COG5: variants seen among roughly 807,000 people sequenced by gnomAD.
The protein encoded by COG5 is conserved oligomeric Golgi complex subunit 5.
In COG5, 86 loss-of-function variants were observed where a neutral mutation model predicts 110.4. That is an observed-to-expected ratio of 0.78 (90% confidence interval 0.65 to 0.93). The LOEUF is 0.93. Among genes scored for constraint, COG5 ranks in the 40% least tolerant of loss-of-function variants. The probability of loss-of-function intolerance (pLI) is 0.00; values close to 1 mark genes in which losing one functional copy is unlikely to be tolerated. For missense variants in COG5, 1,077 were observed against 987.0 expected, an observed-to-expected ratio of 1.09 and a Z score of -1.22; for synonymous variants, 360 against 334.6, an observed-to-expected ratio of 1.08 and a Z score of -0.83.
chr7:107,351,872 A>G (rs536361995), intron 10 of COG5, among the ~76,000 whole-genome samples: 24 of 149,936 alleles, frequency 1.6e-4, no homozygotes, highest in Middle Eastern at 3.4e-3. Flanking sequence ...GGGACTGTAA[A>G]CTAGTTCAAC....
chr7:107,298,410 A>G (rs1806955057), intron 11 of COG5, 64 bp from the exon 12 acceptor site: 4 of 1,330,160 alleles, frequency 3.0e-6, no homozygotes, highest in Admixed American at 1.9e-5. Flanking sequence ...TTTCTTTTGC[A>G]TATGAAGATA....
At chr7:107,250,752 G>GA (rs1455180772) in intron 16 of COG5, among the ~76,000 whole-genome samples, 1 of 152,104 alleles carries the variant, frequency 6.6e-6, no homozygotes, top group Non-Finnish European at 1.5e-5. Flanking sequence ...AAATTGACGG[G>GA]ATAGGCTTCG....
chr7:107,252,236 C>T (rs906589700), intron 16 of COG5, among the ~76,000 whole-genome samples: 1 of 152,070 alleles, frequency 6.6e-6, no homozygotes, highest in Non-Finnish European at 1.5e-5. Flanking sequence ...TGTCTTTAAA[C>T]AAACCAACCA....
At chr7:107,320,529 T>G (rs1809167691) in intron 11 of COG5, among the ~76,000 whole-genome samples, 1 of 152,204 alleles carries the variant, frequency 6.6e-6, no homozygotes, top group Non-Finnish European at 1.5e-5. Flanking sequence ...CTAAGAGATC[T>G]CAAGATTCAG....
intron 10 of COG5, among the ~76,000 whole-genome samples, chr7:107,339,189 C>T (rs188174144): frequency 1.6e-4 from 25 of 152,020 alleles, no homozygotes; most frequent in Admixed American, 1.4e-3. Flanking sequence ...AAAGATCACA[C>T]AAATGGAAAA....
intron 7 of COG5, among the ~76,000 whole-genome samples, chr7:107,384,808 T>C (rs1459135921): frequency 6.6e-6 from 1 of 152,146 alleles, no homozygotes; most frequent in Non-Finnish European, 1.5e-5. Context: ...TCCTGCTGGA[T>C]CTTTGTTTTA....
intron 6 of COG5, among the ~76,000 whole-genome samples, chr7:107,420,879 A>C (rs1191290788): frequency 2.0e-5 from 3 of 152,220 alleles, no homozygotes; most frequent in Admixed American, 2.0e-4. Context: ...AGTCTAAGGC[A>C]CTTCTCAGGA....
chr7:107,407,280 G>A lies in COG5; in HGVS notation c.669+5222C>T, dbSNP rs185818023. ...GCCTGTAATCCCAGCTACTCGGGGG[G>A]CTGAGGTGGGAGAATCACTTGAACC... On this transcript the variant is annotated intron_variant, in intron 7 of 21. Coordinates refer to ENST00000297135, the MANE Select transcript of COG5 (RefSeq NM_006348.5). Among the ~76,000 whole-genome samples the A allele has an allele frequency of 7.5e-4, 114 of 152,308 alleles. 1 individual carries two copies. Among genetic ancestry groups the A allele is most frequent in the Admixed American group, 1.6e-3 (25 of 15,302 alleles).
intron 7 of COG5, among the ~76,000 whole-genome samples, chr7:107,382,849 C>A (rs1208254776): frequency 6.6e-6 from 1 of 152,136 alleles, no homozygotes; most frequent in African/African-American, 2.4e-5. Flanking sequence ...TCATTAAATT[C>A]TAAATTCACT....
intron 21 of COG5, chr7:107,208,949 C>T: frequency 4.1e-6 from 4 of 983,286 alleles, no homozygotes; most frequent in Non-Finnish European, 4.8e-6. Context: ...CACCCTGGAC[C>T]TTCTTGGGGA....
intron 12 of COG5, among the ~76,000 whole-genome samples, chr7:107,288,506 T>G (rs1443657384): frequency 1.3e-5 from 2 of 152,108 alleles, no homozygotes; most frequent in African/African-American, 4.8e-5. Context: ...ATAGACATCC[T>G]AGGGGGCGTG....
intron 6 of COG5, among the ~76,000 whole-genome samples, chr7:107,478,695 C>A (rs543963465): frequency 6.6e-6 from 1 of 151,922 alleles, no homozygotes; most frequent in South Asian, 2.1e-4. Context: ...TCAATACTAT[C>A]CATAGTTTCA....
At position 107,513,317 on chromosome 7, in the gene COG5, T is replaced by C. The variant is rs545634403; in HGVS notation, c.538+13920A>G. On this transcript the variant is annotated intron_variant, in intron 6 of 21. Coordinates refer to ENST00000297135, the MANE Select transcript of COG5 (RefSeq NM_006348.5). ...AAAAAATGCTCATCATCACTGGCCA[T>C]CAGAGAAATGCAAATCAAAACCACA... 3.7e-3 allele frequency among the ~76,000 whole-genome samples: 556 copies of C among 152,082 alleles called. 13 individuals are homozygous for C. The highest frequency in any genetic ancestry group is 2.6e-3 in the Admixed American group (39 of 15,278).
rs756512322 is a variant in COG5, at chr7:107,527,374, A to G, written c.418-17T>C. 1 of 1,612,426 alleles carries G rather than the reference A, an allele frequency of 6.2e-7. No homozygotes were observed. Among genetic ancestry groups the G allele is most frequent in the Admixed American group, 1.7e-5 (1 of 59,988 alleles). ...ACAGGCAACCTGTGCAAACATCACA[A>G]TGTTAAGTTAGTTGATCCATGAAGT... On this transcript the variant is annotated splice_polypyrimidine_tract_variant and intron_variant, in intron 5 of 21. Coordinates refer to ENST00000297135, the MANE Select transcript of COG5 (RefSeq NM_006348.5).
At position 107,258,509 on chromosome 7, in the gene COG5, C is replaced by T; in HGVS notation, c.1576-126G>A. The T allele has an allele frequency of 2.1e-5, 15 of 716,044 alleles. No individual in the cohort carries two copies. The South Asian group carries it at 2.2e-4, about 11-fold the overall frequency. The allele number at this position is 716,044 out of a possible 1,614,324, so 44.4% of individuals were successfully genotyped here. ...TTTAACCGGGGAGAAGTTCATGCCC[C>T]TCTGACAAAGAGAATGTTAACTGGA... On this transcript the variant is annotated intron_variant, in intron 14 of 21. Transcript: ENST00000297135.
rs1807354560 is a variant in COG5 at position 107,302,505 on chromosome 7, T to C, written c.1109-4159A>G. Among the ~76,000 whole-genome samples the C allele has an allele frequency of 2.0e-5, 3 of 152,340 alleles. No individual in the cohort carries two copies. In the South Asian group the frequency reaches 6.2e-4, roughly 32 times the overall value. ...TGTCAAAACATATCAAATTGTATAC[T>C]TTCAAGACGTGTTGTTTATTGTATG... On this transcript the variant is annotated intron_variant, in intron 11 of 21. Coordinates refer to ENST00000297135, the MANE Select transcript of COG5 (RefSeq NM_006348.5).
intron 6 of COG5, among the ~76,000 whole-genome samples, chr7:107,415,844 A>ATGTATGTGTGTG (rs1792735311): frequency 1.8e-5 from 1 of 54,870 alleles, no homozygotes; most frequent in African/African-American, 9.0e-5. Context: ...ATGTGTGTGT[A>ATGTATGTGTGTG]TATATACACA....
At chr7:107,321,215 A>G (rs551056629) in intron 11 of COG5, among the ~76,000 whole-genome samples, 1 of 152,360 alleles carries the variant, frequency 6.6e-6, no homozygotes, top group South Asian at 2.1e-4. Flanking sequence ...AATAACATAT[A>G]GAATAGCATC....
chr7:107,477,440 T>A (rs1303278360), intron 6 of COG5, among the ~76,000 whole-genome samples: 1 of 151,782 alleles, frequency 6.6e-6, no homozygotes, highest in Admixed American at 6.6e-5. Context: ...ATTTCTAATA[T>A]ATTTGTCTAA....
Sources: allele counts gnomAD v4.1 joint callset (sites outside exome capture counted in the v4.1 genomes callset), GRCh38; gene constraint gnomAD v4.1.1; transcripts MANE v1.5; gene names NCBI Gene and HGNC (gene_info 2026-07-23, HGNC 2026-07-21).